The following CNTNAP2 variants were observed in gnomAD, a reference collection of about 807,000 sequenced individuals.
CNTNAP2 encodes the protein contactin-associated protein-like 2.
Under a neutral mutation model 155.2 loss-of-function variants are expected in CNTNAP2, and 98 were observed. The ratio of observed to expected loss-of-function variants is 0.63; its 90% CI spans 0.54 to 0.75. CNTNAP2 has a LOEUF of 0.75. Ranked by LOEUF, CNTNAP2 falls within the 30% of genes least tolerant of loss-of-function variation. CNTNAP2 has a pLI of 0.00. For missense variants in CNTNAP2, 1,727 were observed against 1,688.1 expected, an observed-to-expected ratio of 1.02 and a Z score of -0.40; for synonymous variants, 651 against 631.2, an observed-to-expected ratio of 1.03 and a Z score of -0.47.
chr7:147,020,498 TG>T (rs998015179), intron 3 of CNTNAP2, among the ~76,000 whole-genome samples: 1 of 152,158 alleles, frequency 6.6e-6, no homozygotes. Context: ...CCTTGTTATA[TG>T]GAGTTCTCCT....
At chr7:147,872,491 T>C (rs1323586460) in intron 13 of CNTNAP2, among the ~76,000 whole-genome samples, 2 of 152,218 alleles carry the variant, frequency 1.3e-5, no homozygotes, top group African/African-American at 4.8e-5. Flanking sequence ...CCAATCTACC[T>C]TCTGAGGGTG....
intron 1 of CNTNAP2, among the ~76,000 whole-genome samples, chr7:146,448,446 CTT>C (rs1796432769): frequency 6.7e-6 from 1 of 149,890 alleles, no homozygotes; most frequent in African/African-American, 2.4e-5. Context: ...TTATTAAATT[CTT>C]TGTTTATAGA....
intron 20 of CNTNAP2, among the ~76,000 whole-genome samples, chr7:148,240,572 T>A (rs919477413): frequency 6.6e-6 from 1 of 152,222 alleles, no homozygotes; most frequent in African/African-American, 2.4e-5. Flanking sequence ...AGGGTCTTTA[T>A]TGATAGGCTA....
In CNTNAP2 at chr7:147,128,772, T is replaced by C. The variant is rs1353290303; in HGVS notation, c.1019T>C (p.Ile340Thr). The C allele has an allele frequency of 3.1e-6, 5 of 1,614,062 alleles. No homozygotes were observed. Among genetic ancestry groups the C allele is most frequent in the Non-Finnish European group, 4.2e-6 (5 of 1,179,960 alleles). The change falls in exon 7 of 24, where the codon ATC (isoleucine) becomes ACC (threonine). Residue 340 changes from isoleucine to threonine, a missense_variant. Coordinates refer to ENST00000361727, the MANE Select transcript of CNTNAP2 (RefSeq NM_014141.6). ...RKNFKGCMES[I>T]NYNGVNITDL... ...AATTTCAAAGGCTGCATGGAAAGCATCAACTACAATGGCGTCAACATTACT... is the reference window on the plus strand; with the variant it reads ...AATTTCAAAGGCTGCATGGAAAGCACCAACTACAATGGCGTCAACATTACT...
intron 3 of CNTNAP2, among the ~76,000 whole-genome samples, chr7:146,921,318 C>T (rs1022751357): frequency 5.9e-5 from 9 of 152,074 alleles, no homozygotes; most frequent in Non-Finnish European, 1.0e-4. Flanking sequence ...AAAACAATGT[C>T]CTGAGAACAG....
intron 11 of CNTNAP2, among the ~76,000 whole-genome samples, chr7:147,529,528 A>T (rs1165773566): frequency 6.6e-6 from 1 of 152,210 alleles, no homozygotes. Flanking sequence ...TCCAGAGCAA[A>T]GTAACAATGC....
At chr7:146,426,383 A>ATG (rs1254840360) in intron 1 of CNTNAP2, among the ~76,000 whole-genome samples, 1 of 86,578 alleles carries the variant, frequency 1.2e-5, no homozygotes, top group East Asian at 2.4e-4. Context: ...TGAAAACAAA[A>ATG]TGTATATATA....
chr7:146,450,469 T>C (rs536592146), intron 1 of CNTNAP2, among the ~76,000 whole-genome samples: 1 of 152,212 alleles, frequency 6.6e-6, no homozygotes. Flanking sequence ...CAAGAAAACT[T>C]GATTAACTTA....
At chr7:148,103,070 G>C (rs771001122) in intron 15 of CNTNAP2, among the ~76,000 whole-genome samples, 17 of 152,298 alleles carry the variant, frequency 1.1e-4, no homozygotes, top group Non-Finnish European at 1.2e-4. Flanking sequence ...ACAAATGCTT[G>C]CATTCTTTTG....
At chr7:147,557,318 A>G (rs6976038) in intron 11 of CNTNAP2, among the ~76,000 whole-genome samples, 70,746 of 151,988 alleles carry the variant, frequency 0.47, 16,604 homozygotes, top group East Asian at 0.61. Context: ...TTTGCATGCT[A>G]TGAAATTCAA....
At chr7:146,194,479 G>A (rs1180112495) in intron 1 of CNTNAP2, among the ~76,000 whole-genome samples, 1 of 152,100 alleles carries the variant, frequency 6.6e-6, no homozygotes, top group African/African-American at 2.4e-5. Flanking sequence ...CATGAAAATA[G>A]CATGGGAAAG....
At chr7:148,342,478 G>A (rs1368568203) in intron 21 of CNTNAP2, among the ~76,000 whole-genome samples, 1 of 152,214 alleles carries the variant, frequency 6.6e-6, no homozygotes, top group African/African-American at 2.4e-5. Flanking sequence ...GTAAACTTCA[G>A]AGGGTTTTGG....
At chr7:147,420,487 T>C (rs1283979280) in intron 10 of CNTNAP2, among the ~76,000 whole-genome samples, 1 of 152,210 alleles carries the variant, frequency 6.6e-6, no homozygotes, top group East Asian at 1.9e-4. Flanking sequence ...ATAATTAATG[T>C]ATTCATTGAA....
intron 3 of CNTNAP2, among the ~76,000 whole-genome samples, chr7:146,967,202 G>A (rs1456095773): frequency 6.6e-6 from 1 of 152,074 alleles, no homozygotes; most frequent in East Asian, 1.9e-4. Flanking sequence ...TGGAAAATAT[G>A]ATTTCATTTG....
At chr7:146,434,156 T>C (rs1454583063) in intron 1 of CNTNAP2, among the ~76,000 whole-genome samples, 1 of 152,074 alleles carries the variant, frequency 6.6e-6, no homozygotes, top group East Asian at 1.9e-4. Flanking sequence ...ATTAAACTGC[T>C]TTTTTTATGG....
rs1347049556 is a variant in CNTNAP2, at chr7:147,992,409, G to A, written c.2383+14420G>A. Among the ~76,000 whole-genome samples, 57 of 152,110 alleles carry A rather than the reference G, an allele frequency of 3.7e-4. 1 individual carries two copies. The highest frequency in any genetic ancestry group is 3.7e-3 in the Admixed American group (56 of 15,268). On this transcript the variant is annotated intron_variant, in intron 15 of 23. Coordinates refer to ENST00000361727, the MANE Select transcript of CNTNAP2 (RefSeq NM_014141.6). The stretch of plus-strand genomic sequence containing the variant: ...TTACAGGTGTGAGCCACCATGCCCA[G>A]CCTCTATTACTACCTGTAAAATAAA...
intron 15 of CNTNAP2, among the ~76,000 whole-genome samples, chr7:148,047,921 C>T (rs1440649392): frequency 6.6e-6 from 1 of 152,010 alleles, no homozygotes; most frequent in Non-Finnish European, 1.5e-5. Context: ...GAGCTGGGTG[C>T]CTTACTTTTT....
At position 148,209,341 on chromosome 7, in the gene CNTNAP2, C is replaced by T. The variant is rs551804866; in HGVS notation, c.3011-7947C>T. On this transcript the variant is annotated intron_variant, in intron 18 of 23. Coordinates refer to ENST00000361727, the MANE Select transcript of CNTNAP2 (RefSeq NM_014141.6). ...TAGCGACAGGGTCCCCCTATGTTGTCCAGGCCAGTCTTAAACTCCAGGGCT... is the reference window on the plus strand; with the variant it reads ...TAGCGACAGGGTCCCCCTATGTTGTTCAGGCCAGTCTTAAACTCCAGGGCT... Among the ~76,000 whole-genome samples the T allele has an allele frequency of 8.9e-4, 132 of 148,392 alleles. 4 individuals carry two copies. The highest frequency in any genetic ancestry group is 1.5e-3 in the Non-Finnish European group (103 of 67,422).
At chr7:147,955,509 A>G (rs1332544003) in intron 14 of CNTNAP2, among the ~76,000 whole-genome samples, 2 of 152,168 alleles carry the variant, frequency 1.3e-5, no homozygotes, top group Non-Finnish European at 2.9e-5. Context: ...TTATTATGAA[A>G]ATTATTTGGT....
Sources: allele counts gnomAD v4.1 joint callset (sites outside exome capture counted in the v4.1 genomes callset), GRCh38; gene constraint gnomAD v4.1.1; transcripts MANE v1.5; gene names NCBI Gene and HGNC (gene_info 2026-07-23, HGNC 2026-07-21).